The following ENOX1 variants were observed in gnomAD, a reference collection of about 807,000 sequenced individuals.
ENOX1 encodes candidate growth-related and time keeping constitutive hydroquinone (NADH) oxidase.
A neutral mutation model predicts 82.5 loss-of-function variants in ENOX1; 42 were observed. That is an observed-to-expected ratio of 0.51 (90% confidence interval 0.40 to 0.66). The LOEUF (loss-of-function observed/expected upper bound fraction) is 0.66, where lower values mean the gene tolerates loss of function less well. ENOX1 is among the 30% of genes least tolerant of loss of function. ENOX1 has a pLI of 0.00. For missense variants in ENOX1, 608 were observed against 811.6 expected, an observed-to-expected ratio of 0.75 and a Z score of 3.05; for synonymous variants, 271 against 282.2, an observed-to-expected ratio of 0.96 and a Z score of 0.40.
At position 43,399,270 on chromosome 13, in the gene ENOX1, GT is replaced by G. The variant is rs567738960; in HGVS notation, c.208+12645del. Among the ~76,000 whole-genome samples, 282 of 152,286 alleles carry G rather than the reference GT, an allele frequency of 1.9e-3. 2 individuals carry two copies. Among genetic ancestry groups the G allele is most frequent in the African/African-American group, 5.4e-3 (226 of 41,546 alleles). On this transcript the variant is annotated intron_variant, in intron 5 of 16. Coordinates refer to ENST00000690772, the MANE Select transcript of ENOX1 (RefSeq NM_001347969.2). ...TGGGGGAGTCAAAACTTATATGTAA[GT>G]TTTTTACTGTGTGGGGGTGAGCAGC...
chr13:43,623,512 C>T (rs1463102312), intron 2 of ENOX1, among the ~76,000 whole-genome samples: 1 of 152,172 alleles, frequency 6.6e-6, no homozygotes, highest in Admixed American at 6.5e-5. Flanking sequence ...CACGAACAGA[C>T]CTTCAGCTTC....
chr13:43,747,468 C>T (rs1950086691), intron 1 of ENOX1, among the ~76,000 whole-genome samples: 1 of 152,224 alleles, frequency 6.6e-6, no homozygotes, highest in South Asian at 2.1e-4. Context: ...ATCCCACCTC[C>T]AACTTTGCAA....
At chr13:43,461,194 T>A (rs2057468990) in intron 3 of ENOX1, among the ~76,000 whole-genome samples, 1 of 152,240 alleles carries the variant, frequency 6.6e-6, no homozygotes, top group South Asian at 2.1e-4. Context: ...TAAGAAACAC[T>A]ACTTTATACA....
At chr13:43,488,826 G>A (rs971950193) in intron 2 of ENOX1, among the ~76,000 whole-genome samples, 2 of 152,190 alleles carry the variant, frequency 1.3e-5, no homozygotes, top group African/African-American at 4.8e-5. Flanking sequence ...GGAAGCTAGA[G>A]GAAGGGCCGT....
At chr13:43,668,669 T>C (rs2153789475) in intron 1 of ENOX1, among the ~76,000 whole-genome samples, 1 of 152,194 alleles carries the variant, frequency 6.6e-6, no homozygotes. Flanking sequence ...AGTGGAAGGA[T>C]AAAAATTACC....
chr13:43,549,510 T>G (rs530666199), intron 2 of ENOX1, among the ~76,000 whole-genome samples: 1 of 152,348 alleles, frequency 6.6e-6, no homozygotes, highest in Non-Finnish European at 1.5e-5. Flanking sequence ...TCAGTTCATC[T>G]TCTGACTTCA....
chr13:43,439,894 G>C (rs539434153), intron 3 of ENOX1, among the ~76,000 whole-genome samples: 1 of 152,106 alleles, frequency 6.6e-6, no homozygotes, highest in South Asian at 2.1e-4. Flanking sequence ...TTTTCAATAT[G>C]CCTATAGGTA....
At chr13:43,675,511 C>T (rs1391796089) in intron 1 of ENOX1, among the ~76,000 whole-genome samples, 2 of 152,138 alleles carry the variant, frequency 1.3e-5, no homozygotes, top group Admixed American at 6.5e-5. Context: ...TATACACACA[C>T]ATATATGCAT....
chr13:43,460,793 C>CAAAAAAAAAAAAAAAA (rs1312983530), intron 3 of ENOX1, among the ~76,000 whole-genome samples: 4 of 25,702 alleles, frequency 1.6e-4, no homozygotes, highest in Admixed American at 1.4e-3. Flanking sequence ...GACTCCATCT[C>CAAAAAAAAAAAAAAAA]AAAAAAAAAA....
chr13:43,754,532 C>T (rs1950544609), intron 1 of ENOX1, among the ~76,000 whole-genome samples: 1 of 150,808 alleles, frequency 6.6e-6, no homozygotes, highest in Admixed American at 6.6e-5. Flanking sequence ...GGGGTTTCAC[C>T]ATGTTGACTA....
chr13:43,741,241 C>T (rs879923035), intron 1 of ENOX1, among the ~76,000 whole-genome samples: 19 of 152,196 alleles, frequency 1.2e-4, no homozygotes, highest in Admixed American at 7.9e-4. Flanking sequence ...CATGCCACCA[C>T]GCCTGGCTAA....
intron 2 of ENOX1, among the ~76,000 whole-genome samples, chr13:43,631,667 C>T (rs943528895): frequency 6.6e-6 from 1 of 151,440 alleles, no homozygotes; most frequent in Admixed American, 6.6e-5. Flanking sequence ...AAAACAAAAT[C>T]GGGAACACAA....
chr13:43,330,424 T>C (rs1373220217), intron 9 of ENOX1, among the ~76,000 whole-genome samples: 1 of 152,216 alleles, frequency 6.6e-6, no homozygotes, highest in Admixed American at 6.5e-5. Context: ...CACTTACTTA[T>C]TCAAGAAAGT....
At chr13:43,470,341 C>CATATATATATAT (rs1491233796) in intron 3 of ENOX1, among the ~76,000 whole-genome samples, 5 of 8,048 alleles carry the variant, frequency 6.2e-4, no homozygotes, top group Non-Finnish European at 1.4e-3. Context: ...TATATATATA[C>CATATATATATAT]GTATATATAT....
intron 1 of ENOX1, among the ~76,000 whole-genome samples, chr13:43,766,549 G>A (rs577644822): frequency 6.6e-6 from 1 of 152,288 alleles, no homozygotes; most frequent in South Asian, 2.1e-4. Context: ...CACTGCTATA[G>A]CTCAACTGTA....
At chr13:43,544,089 G>A (rs7320495) in intron 2 of ENOX1, 55,738 of 151,100 alleles carry the variant, frequency 0.37, 10,438 homozygotes, top group Admixed American at 0.43. Context: ...GCTAATGTTG[G>A]CCAGGCTAGT....
At chr13:43,399,461 C>T (rs1016943518) in intron 5 of ENOX1, among the ~76,000 whole-genome samples, 2 of 152,178 alleles carry the variant, frequency 1.3e-5, no homozygotes, top group Non-Finnish European at 2.9e-5. Flanking sequence ...CTACAGGGGC[C>T]AAGTCTTCTC....
rs1397222227 is a variant in ENOX1, at chr13:43,510,650, G to A, written c.-218-26498C>T. 2.0e-5 allele frequency among the ~76,000 whole-genome samples: 3 copies of A among 152,176 alleles called. No individual in the cohort carries two copies. In the East Asian group the frequency reaches 5.8e-4, roughly 29 times the overall value. Reference sequence around the variant, plus strand: ...AATTAGACTCATCTACGTGGGAGAGGCAGGATAATGCAGTTGTTCAAAGTG... The same window carrying A: ...AATTAGACTCATCTACGTGGGAGAGACAGGATAATGCAGTTGTTCAAAGTG... On this transcript the variant is annotated intron_variant, in intron 2 of 16. Transcript: ENST00000690772.
intron 3 of ENOX1, among the ~76,000 whole-genome samples, chr13:43,468,338 C>T (rs1377767543): frequency 1.3e-5 from 2 of 151,992 alleles, no homozygotes; most frequent in African/African-American, 4.8e-5. Flanking sequence ...CATGCCACCA[C>T]ACCCAGCTAA....
Sources: gnomAD v4.1 joint callset for allele counts (sites outside exome capture counted in the v4.1 genomes callset) on GRCh38, gnomAD v4.1.1 for gene constraint, MANE v1.5 for transcripts, NCBI Gene and HGNC (gene_info 2026-07-23, HGNC 2026-07-21) for gene names.